Variants in SPAG16 observed in about 807,000 individuals in gnomAD.
The protein encoded by SPAG16 is sperm associated antigen 16, also known as sperm-associated antigen 16 protein.
In SPAG16, 86 loss-of-function variants were observed where a neutral mutation model predicts 80.4. The ratio of observed to expected loss-of-function variants is 1.07; its 90% CI spans 0.90 to 1.28. The LOEUF is 1.28. SPAG16 is among the 50% of genes most tolerant of loss of function. SPAG16 has a pLI of 0.00. For synonymous variants in SPAG16, 294 were observed against 265.9 expected (o/e 1.11, Z -1.03); for missense variants, 870 against 765.3 (o/e 1.14, Z -1.61).
chr2:213,603,175 T>C (rs1410064879), intron 10 of SPAG16, among the ~76,000 whole-genome samples: 2 of 152,250 alleles, frequency 1.3e-5, no homozygotes, highest in Non-Finnish European at 2.9e-5. Context: ...ACAGCTGTTT[T>C]ATCAAAATCT....
At chr2:213,983,195 A>AAAC (rs1184253342) in intron 12 of SPAG16, among the ~76,000 whole-genome samples, 2 of 152,000 alleles carry the variant, frequency 1.3e-5, no homozygotes, top group Admixed American at 1.3e-4. Flanking sequence ...CTGTTTTACA[A>AAAC]ATATATGATT....
chr2:213,284,725 C>T (rs991774361), intron 1 of SPAG16, 106 bp downstream of exon 1: 4 of 1,415,296 alleles, frequency 2.8e-6, no homozygotes, highest in Middle Eastern at 3.6e-4. Context: ...TGGGGCCACT[C>T]CGGAGGAGCC....
chr2:214,342,426 A>G (rs1425048517), intron 15 of SPAG16, among the ~76,000 whole-genome samples: 1 of 152,182 alleles, frequency 6.6e-6, no homozygotes, highest in Non-Finnish European at 1.5e-5. Context: ...CAGTGGCAGC[A>G]TAGATTCCCA....
chr2:213,514,096 A>G (rs1329268024), intron 10 of SPAG16, among the ~76,000 whole-genome samples: 1 of 152,166 alleles, frequency 6.6e-6, no homozygotes, highest in African/African-American at 2.4e-5. Context: ...AAGAGAGTAG[A>G]GAGTTTTGAA....
At chr2:213,307,733 T>C (rs999865922) in intron 3 of SPAG16, among the ~76,000 whole-genome samples, 1 of 152,176 alleles carries the variant, frequency 6.6e-6, no homozygotes, top group South Asian at 2.1e-4. Context: ...ATGGTATTTC[T>C]AGTTCTAGAT....
In SPAG16 at chr2:213,691,669, A is replaced by C. The variant is rs777319599; in HGVS notation, c.1071-170816A>C. Among the ~76,000 whole-genome samples, 92 of 152,204 alleles carry C rather than the reference A, an allele frequency of 6.0e-4. 2 individuals carry two copies. Among genetic ancestry groups the C allele is most frequent in the Non-Finnish European group, 1.1e-3 (78 of 68,040 alleles). ...AGAAACTCTGTTTGCCCTGCACTTC[A>C]ATTTTTAATCTCTTGCTCTTTGTCT... On this transcript the variant is annotated intron_variant, in intron 10 of 15. Transcript: ENST00000331683.
intron 10 of SPAG16, among the ~76,000 whole-genome samples, chr2:213,576,333 G>C (rs575388881): frequency 1.2e-3 from 188 of 152,240 alleles, no homozygotes; most frequent in Non-Finnish European, 1.8e-3. Context: ...TAGCCCTGTA[G>C]TGTAGTTTGA....
intron 1 of SPAG16, chr2:213,285,848 A>T: frequency 7.9e-7 from 1 of 1,271,374 alleles, no homozygotes; most frequent in Non-Finnish European, 1.0e-6. Context: ...TTCCAGTGAT[A>T]TTCCTCTTTA....
At chr2:214,323,414 A>T (rs954764624) in intron 15 of SPAG16, among the ~76,000 whole-genome samples, 5 of 152,116 alleles carry the variant, frequency 3.3e-5, no homozygotes, top group Non-Finnish European at 7.4e-5. Context: ...AGGAATATCC[A>T]TATCAAGTAT....
At chr2:213,920,084 T>A (rs1160848489) in intron 11 of SPAG16, among the ~76,000 whole-genome samples, 1 of 152,202 alleles carries the variant, frequency 6.6e-6, no homozygotes, top group Non-Finnish European at 1.5e-5. Context: ...GTCTATTTTG[T>A]CTAAAATTAG....
intron 9 of SPAG16, 153 bp downstream of exon 9, chr2:213,375,272 CA>C: frequency 2.0e-6 from 1 of 506,530 alleles, no homozygotes; most frequent in East Asian, 3.4e-5. Context: ...TGGAGGTATC[CA>C]AATGTTACTA....
intron 10 of SPAG16, among the ~76,000 whole-genome samples, chr2:213,778,069 C>T (rs2069714526): frequency 6.6e-6 from 1 of 151,792 alleles, no homozygotes; most frequent in Non-Finnish European, 1.5e-5. Context: ...TATAAGCTGT[C>T]CAACCCAGGA....
chr2:213,863,407 T>G (rs1315694920), intron 11 of SPAG16, among the ~76,000 whole-genome samples: 1 of 152,184 alleles, frequency 6.6e-6, no homozygotes, highest in East Asian at 1.9e-4. Context: ...ACTCCTTTTT[T>G]AAATCAGTTT....
chr2:213,902,607 T>C (rs2077264524), intron 11 of SPAG16, among the ~76,000 whole-genome samples: 1 of 152,166 alleles, frequency 6.6e-6, no homozygotes, highest in Non-Finnish European at 1.5e-5. Flanking sequence ...GGGAGTACAA[T>C]TCAAGATGAG....
At chr2:213,470,227 A>G (rs1476941110) in intron 9 of SPAG16, among the ~76,000 whole-genome samples, 2 of 152,172 alleles carry the variant, frequency 1.3e-5, no homozygotes, top group Non-Finnish European at 2.9e-5. Context: ...CACAGTTTTT[A>G]TCAGTCCAGC....
intron 10 of SPAG16, among the ~76,000 whole-genome samples, chr2:213,665,217 A>C (rs1303287794): frequency 6.6e-6 from 1 of 152,138 alleles, no homozygotes; most frequent in African/African-American, 2.4e-5. Context: ...TGAGGAGCAC[A>C]TGTTATGTTT....
intron 12 of SPAG16, among the ~76,000 whole-genome samples, chr2:213,963,185 C>A (rs1008450680): frequency 1.3e-5 from 2 of 151,400 alleles, no homozygotes; most frequent in African/African-American, 4.9e-5. Flanking sequence ...TCATAAACTT[C>A]TATCTGAGCA....
chr2:213,519,331 T>C (rs1440428707), intron 10 of SPAG16, among the ~76,000 whole-genome samples: 2 of 152,266 alleles, frequency 1.3e-5, no homozygotes, highest in Admixed American at 6.5e-5. Flanking sequence ...CCAAATCTCA[T>C]CTTGAATTGT....
chr2:214,404,527 G>A (rs182522211), intron 15 of SPAG16, among the ~76,000 whole-genome samples: 1 of 152,242 alleles, frequency 6.6e-6, no homozygotes, highest in Admixed American at 6.5e-5. Context: ...ATTAATATAG[G>A]TAGATTTAAA....
Sources: gnomAD v4.1 joint callset for allele counts (sites outside exome capture counted in the v4.1 genomes callset) on GRCh38, gnomAD v4.1.1 for gene constraint, MANE v1.5 for transcripts, NCBI Gene and HGNC (gene_info 2026-07-23, HGNC 2026-07-21) for gene names.